Variants in ELOVL2 observed in about 807,000 individuals in gnomAD.
ELOVL2 encodes the protein very long chain fatty acid elongase 2.
ELOVL2 carries 38 observed loss-of-function variants against 37.7 expected under a neutral mutation model. That is an observed-to-expected ratio of 1.01 (90% CI 0.78 to 1.32). ELOVL2 has a LOEUF of 1.32. Among genes scored for constraint, ELOVL2 ranks in the 40% most tolerant of loss-of-function variants. ELOVL2 has a pLI of 0.00. For missense variants in ELOVL2, 352 were observed against 363.6 expected (o/e 0.97, Z 0.26); for synonymous variants, 115 against 122.3 (o/e 0.94, Z 0.40).
intron 4 of ELOVL2, 94 bp downstream of exon 4, chr6:10,999,993 T>C (rs1215349854): frequency 7.3e-6 from 8 of 1,094,842 alleles, no homozygotes; most frequent in Admixed American, 1.9e-5. Context: ...TCTTATCTAA[T>C]TCTAGCCTCA....
intron 4 of ELOVL2, among the ~76,000 whole-genome samples, chr6:10,997,594 A>C (rs964697486): frequency 6.6e-6 from 1 of 152,172 alleles, no homozygotes; most frequent in African/African-American, 2.4e-5. Flanking sequence ...CTTTATGAAG[A>C]ATTTCTAATA....
intron 1 of ELOVL2, among the ~76,000 whole-genome samples, chr6:11,043,240 G>A (rs752302292): frequency 6.6e-6 from 1 of 152,112 alleles, no homozygotes; most frequent in African/African-American, 2.4e-5. Flanking sequence ...CTACGGGAAG[G>A]GGGTGAGGCA....
chr6:11,002,321 G>GGAACTCA (rs1189106742), intron 3 of ELOVL2, among the ~76,000 whole-genome samples: 15 of 152,178 alleles, frequency 9.9e-5, no homozygotes, highest in Non-Finnish European at 1.8e-4. Context: ...TGACAGTGTG[G>GGAACTCA]GAACTCAATA....
chr6:11,043,032 G>A (rs1266702577), intron 1 of ELOVL2, among the ~76,000 whole-genome samples: 1 of 152,140 alleles, frequency 6.6e-6, no homozygotes, highest in African/African-American at 2.4e-5. Flanking sequence ...ATGCTCAAGA[G>A]AAGACAAATG....
intron 2 of ELOVL2, among the ~76,000 whole-genome samples, chr6:11,008,749 T>C (rs551176485): frequency 1.4e-4 from 21 of 152,064 alleles, no homozygotes; most frequent in Non-Finnish European, 1.2e-4. Flanking sequence ...GGAGGTTAAA[T>C]GGAAAAAGCA....
intron 1 of ELOVL2, among the ~76,000 whole-genome samples, chr6:11,013,904 A>G (rs1347724658): frequency 6.6e-6 from 1 of 151,638 alleles, no homozygotes; most frequent in Non-Finnish European, 1.5e-5. Context: ...CCAAGGGATC[A>G]TGCCTCCCTA....
intron 1 of ELOVL2, among the ~76,000 whole-genome samples, chr6:11,037,814 G>T (rs1783035706): frequency 6.6e-6 from 1 of 152,156 alleles, no homozygotes; most frequent in Non-Finnish European, 1.5e-5. Context: ...TCCTTTGCAG[G>T]TTCCATTTTC....
intron 5 of ELOVL2, 134 bp downstream of exon 5, chr6:10,994,873 C>T (rs1782235338): frequency 1.5e-6 from 1 of 667,226 alleles, no homozygotes; most frequent in Non-Finnish European, 2.5e-6. Context: ...ACACGGGCAT[C>T]CTGCTGCGGC....
chr6:10,981,754 G>A lies in ELOVL2; in HGVS notation c.*2027C>T, dbSNP rs1781937483. 1 of 152,188 alleles carries A rather than the reference G, an allele frequency of 6.6e-6. No individual in the cohort carries two copies. The highest frequency in any genetic ancestry group is 6.5e-5 in the Admixed American group (1 of 15,280). 9.4% of individuals were successfully genotyped at this position (152,188 alleles called of 1,614,324 possible). A position where few individuals can be genotyped will look rare whatever the true frequency, so the allele number is the denominator to read the frequency against. ...ACTGGCACGTAAGAATAAGCTGAAT[G>A]TGATGACCAGTGAGCATATTAGACC... On this transcript the variant is annotated 3_prime_UTR_variant, in exon 8 of 8. Transcript: ENST00000354666.
At chr6:11,025,915 C>T (rs1782832698) in intron 1 of ELOVL2, among the ~76,000 whole-genome samples, 1 of 152,134 alleles carries the variant, frequency 6.6e-6, no homozygotes, top group South Asian at 2.1e-4. Context: ...GTAATGAATG[C>T]AGCTGTAAAA....
At chr6:11,000,063 G>A in intron 4 of ELOVL2, 24 bp downstream of exon 4, 1 of 1,610,106 alleles carries the variant, frequency 6.2e-7, no homozygotes, top group Non-Finnish European at 8.5e-7. Flanking sequence ...GTTATAGTTG[G>A]TTGATTTGCT....
In ELOVL2 at chr6:11,027,679, C is replaced by T. The variant is rs146339353; in HGVS notation, c.3+16549G>A. Among the ~76,000 whole-genome samples, 1,359 of 150,476 alleles carry T rather than the reference C, an allele frequency of 9.0e-3. 13 individuals carry two copies. The highest frequency in any genetic ancestry group is 0.032 in the South Asian group (150 of 4,676). On this transcript the variant is annotated intron_variant, in intron 1 of 7. Coordinates refer to ENST00000354666, the MANE Select transcript of ELOVL2 (RefSeq NM_017770.4). ...ATTTGATTAGAGGTATTAATTCACCCCCTGCTTTCACCTTTCTTAGGCAAG... is the reference window on the plus strand; with the variant it reads ...ATTTGATTAGAGGTATTAATTCACCTCCTGCTTTCACCTTTCTTAGGCAAG...
chr6:11,037,833 T>C (rs1783036322), intron 1 of ELOVL2, among the ~76,000 whole-genome samples: 2 of 152,228 alleles, frequency 1.3e-5, no homozygotes, highest in Admixed American at 6.5e-5. Context: ...TCTGTATATA[T>C]GAAATGAAAC....
chr6:11,005,035 T>C (rs1782454787), intron 3 of ELOVL2, among the ~76,000 whole-genome samples: 1 of 152,142 alleles, frequency 6.6e-6, no homozygotes, highest in South Asian at 2.1e-4. Context: ...GGGGAGTACC[T>C]GTAATCCCAG....
rs529525661 is a variant in ELOVL2, at chr6:11,037,406, G to C, written c.3+6822C>G. 5.9e-4 allele frequency among the ~76,000 whole-genome samples: 90 copies of C among 152,144 alleles called. 1 individual carries two copies. Among genetic ancestry groups the C allele is most frequent in the Non-Finnish European group, 5.7e-4 (39 of 68,000 alleles). On this transcript the variant is annotated intron_variant, in intron 1 of 7. Coordinates refer to ENST00000354666, the MANE Select transcript of ELOVL2 (RefSeq NM_017770.4). Reference sequence around the variant, plus strand: ...TTAACCAAATTCTGCTTAGTCACGTGGAAAATTCAACAGATTTAAATCTTT... The same window carrying C: ...TTAACCAAATTCTGCTTAGTCACGTCGAAAATTCAACAGATTTAAATCTTT...
chr6:11,029,223 CAAAAAAAAAAAAA>C (rs376639413), intron 1 of ELOVL2, among the ~76,000 whole-genome samples: 1 of 75,804 alleles, frequency 1.3e-5, no homozygotes, highest in Admixed American at 1.4e-4. Context: ...AGGGAGATCT[CAAAAAAAAAAAAA>C]AAAAAAAAAA....
At chr6:11,038,012 C>G (rs1339562056) in intron 1 of ELOVL2, among the ~76,000 whole-genome samples, 1 of 152,150 alleles carries the variant, frequency 6.6e-6, no homozygotes, top group Non-Finnish European at 1.5e-5. Flanking sequence ...CTGCCTTTCT[C>G]AAAGGCTAAG....
intron 1 of ELOVL2, among the ~76,000 whole-genome samples, chr6:11,011,568 C>T (rs921641742): frequency 2.0e-5 from 3 of 152,090 alleles, no homozygotes; most frequent in Non-Finnish European, 4.4e-5. Flanking sequence ...AACTGTATTT[C>T]GTAAAACTGA....
At chr6:11,016,918 C>T (rs1487578143) in intron 1 of ELOVL2, among the ~76,000 whole-genome samples, 1 of 151,380 alleles carries the variant, frequency 6.6e-6, no homozygotes, top group African/African-American at 2.5e-5. Context: ...ACTGACACCC[C>T]TAAACTGCCT....
Sources: allele counts gnomAD v4.1 joint callset (sites outside exome capture counted in the v4.1 genomes callset), GRCh38; gene constraint gnomAD v4.1.1; transcripts MANE v1.5; gene names NCBI Gene and HGNC (gene_info 2026-07-23, HGNC 2026-07-21).